MR1: variants seen among roughly 807,000 people sequenced by gnomAD.
MR1 encodes the protein major histocompatibility complex class I-related protein 1.
In MR1, 44 loss-of-function variants were observed where a neutral mutation model predicts 37.8. That is an observed-to-expected ratio of 1.16 (90% CI 0.91 to 1.50). The LOEUF (loss-of-function observed/expected upper bound fraction) is 1.50, where lower values mean the gene tolerates loss of function less well. Ranked by LOEUF, MR1 falls within the 40% of genes most tolerant of loss-of-function variation. MR1 has a pLI of 0.00. For synonymous variants in MR1, 153 were observed against 155.8 expected (o/e 0.98, Z 0.13); for missense variants, 386 against 419.1 (o/e 0.92, Z 0.69).
In MR1 at chr1:181,057,110, ACT is replaced by A. The variant is rs1209384645; in HGVS notation, c.*1848_*1849del. 1 of 123,626 alleles carries A rather than the reference ACT, an allele frequency of 8.1e-6. No individual in the cohort carries two copies. Among genetic ancestry groups the A allele is most frequent in the African/African-American group, 3.2e-5 (1 of 31,168 alleles). 7.7% of individuals were successfully genotyped at this position (123,626 alleles called of 1,614,324 possible). A position where few individuals can be genotyped will look rare whatever the true frequency, so the allele number is the denominator to read the frequency against. The stretch of plus-strand genomic sequence containing the variant: ...ACTCCAGCCTGGGCAACGGAGCAAG[ACT>A]CTGTCTCCAAAAAAAAAAAGAAAGA... On this transcript the variant is annotated 3_prime_UTR_variant, in exon 6 of 6. Transcript: ENST00000367580.
chr1:181,051,529 C>A (rs1030563680), intron 3 of MR1, among the ~76,000 whole-genome samples: 1 of 152,080 alleles, frequency 6.6e-6, no homozygotes, highest in Admixed American at 6.6e-5. Flanking sequence ...CAGTCCCCCC[C>A]AGATAGTGCC....
At chr1:181,052,026 C>A (rs1216750220) in intron 3 of MR1, among the ~76,000 whole-genome samples, 10 of 152,184 alleles carry the variant, frequency 6.6e-5, no homozygotes, top group Non-Finnish European at 1.5e-4. Flanking sequence ...GAGCATGGGC[C>A]AACTCCACAT....
In MR1 at chr1:181,053,582, C is replaced by G. The variant is rs200587984; in HGVS notation, c.890C>G (p.Thr297Ser). Residue 297 changes from threonine (T) to serine (S), a missense_variant, in exon 5 of 6, where the codon ACT (threonine) becomes AGT (serine). Thr to Ser is a moderately conservative substitution (Grantham distance 58, BLOSUM62 1). Transcript: ENST00000367580. ...MVLQVPQESE[T>S]IPLVMKAVSG... ...ATTTGCTTGCTTTCAGAATCAGAAA[C>G]TATCCCTCTTGTGATGAAAGCTGTC... 6.2e-7 allele frequency: 1 copy of G among 1,613,046 alleles called. No homozygotes were observed. Among genetic ancestry groups the G allele is most frequent in the Non-Finnish European group, 8.5e-7 (1 of 1,179,100 alleles).
chr1:181,049,094 C>T lies in MR1; in HGVS notation c.110C>T (p.Pro37Leu). ...LRYFRLGVSD[P>L]IHGVPEFISV... ...TATTTTCGCCTGGGCGTTTCGGATC[C>T]CATCCATGGGGTCCCTGAATTTATT... Residue 37 changes from proline to leucine, a missense_variant, in exon 2 of 6, where the codon CCC becomes CTC. Physicochemically the swap from Pro to Leu is moderately conservative, Grantham distance 98. Coordinates refer to ENST00000367580, the MANE Select transcript of MR1 (RefSeq NM_001385161.1). The T allele has an allele frequency of 6.2e-7, 1 of 1,614,066 alleles. No homozygotes were observed. The highest frequency in any genetic ancestry group is 8.5e-7 in the Non-Finnish European group (1 of 1,179,928).
At chr1:181,036,620 G>A (rs1657285232) in intron 1 of MR1, among the ~76,000 whole-genome samples, 1 of 152,162 alleles carries the variant, frequency 6.6e-6, no homozygotes, top group South Asian at 2.1e-4. Flanking sequence ...TCAGTGTGTT[G>A]CTTTCATCAA....
chr1:181,040,122 C>T (rs368963371), intron 1 of MR1, among the ~76,000 whole-genome samples: 1 of 152,026 alleles, frequency 6.6e-6, no homozygotes, highest in South Asian at 2.1e-4. Flanking sequence ...GCAGGAGATG[C>T]CTTTTGAGAA....
At chr1:181,047,030 C>T (rs959591448) in intron 1 of MR1, among the ~76,000 whole-genome samples, 16 of 152,174 alleles carry the variant, frequency 1.1e-4, no homozygotes, top group Non-Finnish European at 1.5e-5. Flanking sequence ...CGGCTTCATT[C>T]TTGAAGTCAG....
rs1253570084 is a variant in MR1, at chr1:181,057,445, T to C, written c.*2180T>C. The C allele has an allele frequency of 6.6e-6, 1 of 152,204 alleles. No homozygotes were observed. The highest frequency in any genetic ancestry group is 6.5e-5 in the Admixed American group (1 of 15,276). 9.4% of individuals were successfully genotyped at this position (152,204 alleles called of 1,614,324 possible). ...TGGGTGGGCATTTAAAGTGAAAAGG[T>C]ACATATTTACATAGACACAGGTGAT... On this transcript the variant is annotated 3_prime_UTR_variant, in exon 6 of 6. Transcript: ENST00000367580.
intron 1 of MR1, among the ~76,000 whole-genome samples, chr1:181,041,862 C>T (rs2102369674): frequency 6.6e-6 from 1 of 152,288 alleles, no homozygotes; most frequent in African/African-American, 2.4e-5. Context: ...TGTCTTCTCC[C>T]CTTCCCCCGA....
At chr1:181,052,193 T>C (rs1464407346) in intron 3 of MR1, 42 bp from the exon 4 acceptor site, 1 of 1,604,022 alleles carries the variant, frequency 6.2e-7, no homozygotes, top group Non-Finnish European at 8.5e-7. Context: ...ATATGCTCAG[T>C]ACATAAGGCA....
At chr1:181,049,797 A>G (rs1658193663) in intron 2 of MR1, 1 of 585,642 alleles carries the variant, frequency 1.7e-6, no homozygotes, top group Admixed American at 3.0e-5. Flanking sequence ...GAATTAGCAC[A>G]CTCCTTTGAC....
At chr1:181,055,105 G>T in intron 5 of MR1, 120 bp from the exon 6 acceptor site, 1 of 885,420 alleles carries the variant, frequency 1.1e-6, no homozygotes, top group South Asian at 1.5e-5. Flanking sequence ...AGAGAATCTT[G>T]ACAAAGCAAG....
chr1:181,049,526 C>T, intron 2 of MR1: 1 of 601,294 alleles, frequency 1.7e-6, no homozygotes, highest in East Asian at 2.8e-5. Flanking sequence ...ATTTGCCCCA[C>T]CCACTCTTCC....
chr1:181,044,760 A>C (rs1333276241), intron 1 of MR1, among the ~76,000 whole-genome samples: 2 of 152,226 alleles, frequency 1.3e-5, no homozygotes, highest in Non-Finnish European at 2.9e-5. Context: ...AGGGGTGGCC[A>C]AGAGGTGGGA....
intron 1 of MR1, among the ~76,000 whole-genome samples, chr1:181,046,068 G>A (rs557844161): frequency 1.4e-4 from 21 of 152,342 alleles, no homozygotes; most frequent in Middle Eastern, 3.4e-3. Context: ...GCCTTCCTGC[G>A]GGGCAGGGCT....
At chr1:181,052,091 G>T in intron 3 of MR1, 144 bp from the exon 4 acceptor site, 1 of 909,344 alleles carries the variant, frequency 1.1e-6, no homozygotes. Flanking sequence ...TACGTTTGTT[G>T]TTGATGAACC....
intron 1 of MR1, 60 bp downstream of exon 1, chr1:181,034,134 A>G (rs1283488825): frequency 2.0e-6 from 3 of 1,527,712 alleles, no homozygotes; most frequent in East Asian, 2.3e-5. Flanking sequence ...TAGAAGGCAC[A>G]GCTTTTCTTC....
rs1200788621 is a variant in MR1, at chr1:181,056,497, T to C, written c.*1232T>C. On this transcript the variant is annotated 3_prime_UTR_variant, in exon 6 of 6. Transcript: ENST00000367580. ...GCTGGGCATGACTTGCCTTCCTACA[T>C]AGGTTGTCTTCATACATATGCACTG... The C allele has an allele frequency of 6.6e-6, 1 of 152,076 alleles. No individual in the cohort carries two copies. The highest frequency in any genetic ancestry group is 2.1e-4 in the South Asian group (1 of 4,822). 9.4% of individuals were successfully genotyped at this position (152,076 alleles called of 1,614,324 possible).
intron 3 of MR1, 183 bp downstream of exon 3, chr1:181,050,469 A>G: frequency 2.9e-6 from 2 of 694,750 alleles, no homozygotes; most frequent in Non-Finnish European, 4.8e-6. Flanking sequence ...GCATCTTGAC[A>G]AGATTTGACA....
Sources: allele counts gnomAD v4.1 joint callset (sites outside exome capture counted in the v4.1 genomes callset), GRCh38; gene constraint gnomAD v4.1.1; transcripts MANE v1.5; gene names NCBI Gene and HGNC (gene_info 2026-07-23, HGNC 2026-07-21).